DNAJC5B: variants seen among roughly 807,000 people sequenced by gnomAD.
DNAJC5B encodes DnaJ heat shock protein family (Hsp40) member C5 beta.
DNAJC5B carries 23 observed loss-of-function variants against 24.7 expected under a neutral mutation model. The observed-to-expected ratio is 0.93, with a 90% CI of 0.67 to 1.32. The LOEUF is 1.32. DNAJC5B is among the 40% of genes most tolerant of loss of function. The pLI is 0.00. For synonymous variants in DNAJC5B, 101 were observed against 90.1 expected (o/e 1.12, Z -0.68); for missense variants, 238 against 240.8 (o/e 0.99, Z 0.08).
chr8:66,041,096 G>A (rs1806598474), intron 1 of DNAJC5B, among the ~76,000 whole-genome samples: 1 of 152,010 alleles, frequency 6.6e-6, no homozygotes, highest in Admixed American at 6.6e-5. Context: ...CCTTTCCCAA[G>A]TAAGTTAACA....
intron 5 of DNAJC5B, among the ~76,000 whole-genome samples, chr8:66,081,561 G>A (rs1586109535): frequency 6.6e-6 from 1 of 152,188 alleles, no homozygotes; most frequent in Non-Finnish European, 1.5e-5. Flanking sequence ...ATTCCAGGTT[G>A]TCAAGCACTG....
In DNAJC5B at chr8:66,067,568, G is replaced by A. The variant is rs114465636; in HGVS notation, c.120-9092G>A. 3.0e-3 allele frequency among the ~76,000 whole-genome samples: 450 copies of A among 152,218 alleles called. 2 individuals carry two copies. Among genetic ancestry groups the A allele is most frequent in the African/African-American group, 0.01 (422 of 41,530 alleles). Reference sequence around the variant, plus strand: ...CATAGAATATGGCAGAAGTGATGCTGTGCCTAAATATTAAAAAGGTCTACT... The same window carrying A: ...CATAGAATATGGCAGAAGTGATGCTATGCCTAAATATTAAAAAGGTCTACT... On this transcript the variant is annotated intron_variant, in intron 3 of 5. Transcript: ENST00000276570.
At chr8:66,042,646 CCTTCTTCTT>C (rs1198596974) in intron 1 of DNAJC5B, among the ~76,000 whole-genome samples, 2 of 146,628 alleles carry the variant, frequency 1.4e-5, no homozygotes, top group Non-Finnish European at 3.0e-5. Context: ...TCCTTCTCCT[CCTTCTTCTT>C]CTTCCTCCTA....
intron 3 of DNAJC5B, among the ~76,000 whole-genome samples, chr8:66,072,438 C>T (rs968567347): frequency 6.6e-6 from 1 of 151,986 alleles, no homozygotes; most frequent in Non-Finnish European, 1.5e-5. Context: ...ACAAAGTACC[C>T]AATAAGAACA....
chr8:66,098,633 C>T (rs1016791085), intron 5 of DNAJC5B, among the ~76,000 whole-genome samples: 7 of 151,656 alleles, frequency 4.6e-5, no homozygotes, highest in African/African-American at 1.7e-4. Context: ...ATATGTTAGA[C>T]CTTATAATTC....
upstream of DNAJC5B, among the ~76,000 whole-genome samples, chr8:66,018,725 G>A (rs1290558714): frequency 8.1e-6 from 1 of 124,088 alleles, no homozygotes; most frequent in Non-Finnish European, 1.6e-5. Context: ...GCAGGAAGCT[G>A]TGTGGGAATC....
At chr8:66,048,620 C>T (rs982892385) in intron 2 of DNAJC5B, among the ~76,000 whole-genome samples, 1 of 152,080 alleles carries the variant, frequency 6.6e-6, no homozygotes, top group African/African-American at 2.4e-5. Context: ...AAATTTCCTC[C>T]CTCGTCTTTC....
At chr8:66,039,579 A>G (rs1806564076) in intron 1 of DNAJC5B, among the ~76,000 whole-genome samples, 2 of 151,992 alleles carry the variant, frequency 1.3e-5, no homozygotes. Flanking sequence ...CGAGCTCCCG[A>G]CCTCAGGTGA....
At chr8:66,093,633 T>G (rs927244145) in intron 5 of DNAJC5B, among the ~76,000 whole-genome samples, 9 of 152,204 alleles carry the variant, frequency 5.9e-5, no homozygotes. Flanking sequence ...GATTCTTCAT[T>G]GATTATGTTT....
chr8:66,086,549 A>G (rs1807728401), intron 5 of DNAJC5B, among the ~76,000 whole-genome samples: 1 of 152,184 alleles, frequency 6.6e-6, no homozygotes, highest in East Asian at 1.9e-4. Flanking sequence ...TACATTATAT[A>G]AAGATGTTTA....
chr8:66,065,588 T>C (rs1319060578), intron 3 of DNAJC5B, among the ~76,000 whole-genome samples: 4 of 152,164 alleles, frequency 2.6e-5, no homozygotes, highest in South Asian at 4.1e-4. Flanking sequence ...CTCAAGCTTC[T>C]TGTGGGAGGG....
At chr8:66,095,505 ATTTC>A (rs372192380) in intron 5 of DNAJC5B, among the ~76,000 whole-genome samples, 3 of 150,212 alleles carry the variant, frequency 2.0e-5, no homozygotes, top group African/African-American at 7.3e-5. Context: ...TTTCTACTTA[ATTTC>A]TTTCTTTCTT....
At chr8:66,098,750 G>T (rs936430449) in intron 5 of DNAJC5B, among the ~76,000 whole-genome samples, 9 of 151,808 alleles carry the variant, frequency 5.9e-5, no homozygotes, top group African/African-American at 1.9e-4. Context: ...TTCTTTAGCT[G>T]TTAAGCCAAT....
At chr8:66,035,419 T>C (rs1045331575) in intron 1 of DNAJC5B, among the ~76,000 whole-genome samples, 4 of 152,042 alleles carry the variant, frequency 2.6e-5, no homozygotes, top group African/African-American at 9.7e-5. Context: ...CTTACTGGAG[T>C]AGGGTGGGCC....
At chr8:66,099,402 T>C (rs116184919) in intron 5 of DNAJC5B, among the ~76,000 whole-genome samples, 1,575 of 152,286 alleles carry the variant, frequency 0.01, 32 homozygotes, top group African/African-American at 0.036. Flanking sequence ...AGCATAACCA[T>C]TTTGGGCACT....
In DNAJC5B at chr8:66,100,069, G is replaced by A. The variant is rs1399712674; in HGVS notation, c.*38G>A. 2 of 1,578,402 alleles carry A rather than the reference G, an allele frequency of 1.3e-6. No individual in the cohort carries two copies. The highest frequency in any genetic ancestry group is 1.1e-5 in the South Asian group (1 of 89,352). ...AGAGAGTCCACAGTCCCTCCTCTCA[G>A]TTCAGTCTTGTCTCCAGATGGTCGT... On this transcript the variant is annotated 3_prime_UTR_variant, in exon 6 of 6. Transcript: ENST00000276570.
chr8:66,080,272 A>C, intron 4 of DNAJC5B, 105 bp from the exon 5 acceptor site: 1 of 1,478,242 alleles, frequency 6.8e-7, no homozygotes, highest in East Asian at 2.3e-5. Flanking sequence ...TGAACTGTGA[A>C]GTGTTCAGGT....
At chr8:66,078,223 T>C (rs887426026) in intron 4 of DNAJC5B, among the ~76,000 whole-genome samples, 1 of 152,152 alleles carries the variant, frequency 6.6e-6, no homozygotes, top group Admixed American at 6.5e-5. Context: ...ATCTGCCCAG[T>C]AGTGTGAGAG....
At chr8:66,076,619 T>C (rs1214690924) in intron 3 of DNAJC5B, 41 bp from the exon 4 acceptor site, 2 of 1,607,250 alleles carry the variant, frequency 1.2e-6, no homozygotes, top group African/African-American at 2.7e-5. Flanking sequence ...TTCATTCTTG[T>C]CAAATAACAC....
Sources: gnomAD v4.1 joint callset for allele counts (sites outside exome capture counted in the v4.1 genomes callset) on GRCh38, gnomAD v4.1.1 for gene constraint, MANE v1.5 for transcripts, NCBI Gene and HGNC (gene_info 2026-07-23, HGNC 2026-07-21) for gene names.